The following CLMN variants were observed in gnomAD, a reference collection of about 807,000 sequenced individuals.
CLMN encodes calmin.
In CLMN, 57 loss-of-function variants were observed where a neutral mutation model predicts 92.7. That is an observed-to-expected ratio of 0.61 (90% CI 0.50 to 0.77). The LOEUF (loss-of-function observed/expected upper bound fraction) is 0.77. Ranked by LOEUF, CLMN falls within the 30% of genes least tolerant of loss-of-function variation. CLMN has a pLI of 0.00. For synonymous variants in CLMN, 466 were observed against 470.6 expected, an observed-to-expected ratio of 0.99 and a Z score of 0.13; for missense variants, 1,158 against 1,237.5, an observed-to-expected ratio of 0.94 and a Z score of 0.96.
intron 1 of CLMN, among the ~76,000 whole-genome samples, chr14:95,232,046 A>G (rs73333268): frequency 0.012 from 1,783 of 152,348 alleles, 34 homozygotes; most frequent in African/African-American, 0.041. Context: ...GAAGAAACGG[A>G]GGGGCAAATA....
intron 1 of CLMN, among the ~76,000 whole-genome samples, chr14:95,313,798 C>T (rs985313660): frequency 4.6e-5 from 7 of 152,204 alleles, no homozygotes; most frequent in African/African-American, 1.2e-4. Context: ...TATGGCTTGT[C>T]GGGCAGAGGG....
chr14:95,265,876 A>G (rs1899452704), intron 1 of CLMN, among the ~76,000 whole-genome samples: 1 of 152,266 alleles, frequency 6.6e-6, no homozygotes, highest in Non-Finnish European at 1.5e-5. Context: ...TTTTCTCTAT[A>G]GCAACAGCTC....
At chr14:95,245,225 T>TAATATATATATATAATA (rs1491192837) in intron 1 of CLMN, among the ~76,000 whole-genome samples, 8 of 24,346 alleles carry the variant, frequency 3.3e-4, no homozygotes, top group African/African-American at 2.2e-3. Flanking sequence ...TATATATATA[T>TAATATATATATATAATA]TATATATATA....
In CLMN at chr14:95,191,554, G is replaced by A; in HGVS notation, c.*10C>T. ...AGGGTCCTGTCTTTTTTATTATCCA[G>A]ACACACGTATCAGAGCCTGCTAACA... On this transcript the variant is annotated 3_prime_UTR_variant, in exon 13 of 13. Coordinates refer to ENST00000298912, the MANE Select transcript of CLMN (RefSeq NM_024734.4). This position sits in a 1 kb window ranked among gnomAD's most constrained non-coding sequence, Gnocchi z 5.3. 6.2e-7 allele frequency: 1 copy of A among 1,605,824 alleles called. No homozygotes were observed. Among genetic ancestry groups the A allele is most frequent in the Non-Finnish European group, 8.5e-7 (1 of 1,176,560 alleles).
chr14:95,231,112 T>C (rs931276296), intron 1 of CLMN, among the ~76,000 whole-genome samples: 20 of 151,926 alleles, frequency 1.3e-4, no homozygotes, highest in African/African-American at 4.8e-4. Context: ...GGAACTGGCC[T>C]GCACAGCAGG....
At chr14:95,240,192 G>T (rs956257960) in intron 1 of CLMN, among the ~76,000 whole-genome samples, 2 of 152,202 alleles carry the variant, frequency 1.3e-5, no homozygotes, top group Non-Finnish European at 2.9e-5. Context: ...GTTGTGAAGC[G>T]ATGTAGGACT....
At chr14:95,247,068 C>G (rs919976922) in intron 1 of CLMN, among the ~76,000 whole-genome samples, 2 of 152,110 alleles carry the variant, frequency 1.3e-5, no homozygotes, top group East Asian at 3.9e-4. Context: ...CAGGCCAGAA[C>G]CATGACAGCC....
In CLMN at chr14:95,204,476, A is replaced by AC. The variant is rs769077381; in HGVS notation, c.886-14dup. On this transcript the variant is annotated splice_polypyrimidine_tract_variant and intron_variant, in intron 8 of 12. Coordinates refer to ENST00000298912, the MANE Select transcript of CLMN (RefSeq NM_024734.4). ...CGAAAATATCTTCCTGCAAAAAAAA[A>AC]CAAAAACAAACAAACAAAAAAAAAC... The AC allele has an allele frequency of 1.4e-5, 22 of 1,545,210 alleles. No homozygotes were observed. In the South Asian group the frequency reaches 2.1e-4, roughly 15 times the overall value.
chr14:95,245,216 ATATATATATTATATATATATAT>A lies in CLMN; in HGVS notation c.83-15105_83-15084del, dbSNP rs1566891024. ...TATAATATATATATATATTATATAT[ATATATATATTATATATATATAT>A]TATATATATATATATAATATATATA... On this transcript the variant is annotated intron_variant, in intron 1 of 12. Coordinates refer to ENST00000298912, the MANE Select transcript of CLMN (RefSeq NM_024734.4). Among the ~76,000 whole-genome samples, 101 of 35,928 alleles carry A rather than the reference ATATATATATTATATATATATAT, an allele frequency of 2.8e-3. 5 individuals are homozygous for A. Among genetic ancestry groups the A allele is most frequent in the African/African-American group, 9.2e-3 (51 of 5,528 alleles). The allele number at this position is 35,928 out of a possible 152,430, so 23.6% of individuals were successfully genotyped here. A position where few individuals can be genotyped will look rare whatever the true frequency, so the allele number is the denominator to read the frequency against.
At position 95,194,243 on chromosome 14, in the gene CLMN, A is replaced by G. The variant is rs932639355; in HGVS notation, c.2769+293T>C. On this transcript the variant is annotated intron_variant, in intron 11 of 12. Transcript: ENST00000298912. The surrounding 1 kb of genome is among the most constrained non-coding windows in gnomAD (Gnocchi z 4.0). ...GACTCATGTTGCACCTCTGTCTCTG[A>G]ACGTGATCCTTCTGGGTGCGCGCGG... 13 of 1,393,148 alleles carry G rather than the reference A, an allele frequency of 9.3e-6. No individual in the cohort carries two copies. The highest frequency in any genetic ancestry group is 4.8e-5 in the South Asian group (3 of 61,872). The allele number at this position is 1,393,148 out of a possible 1,614,324, so 86.3% of individuals were successfully genotyped here. A position where few individuals can be genotyped will look rare whatever the true frequency, so the allele number is the denominator to read the frequency against.
Position 95,316,252 on chromosome 14 carries a change from C to T in CLMN, c.82+3459G>A, listed in dbSNP as rs1470188194. ...ACCACCTGGCAGAAGCTGCCAGCATCCTGCAATTCCATCTTCTCTTCTCCA... is the reference window on the plus strand; with the variant it reads ...ACCACCTGGCAGAAGCTGCCAGCATTCTGCAATTCCATCTTCTCTTCTCCA... On this transcript the variant is annotated intron_variant, in intron 1 of 12. Transcript: ENST00000298912. Among the ~76,000 whole-genome samples the T allele has an allele frequency of 4.6e-5, 7 of 152,358 alleles. No homozygotes were observed. The East Asian group carries it at 1.4e-3, about 29-fold the overall frequency.
chr14:95,265,104 T>C (rs987103255), intron 1 of CLMN, among the ~76,000 whole-genome samples: 1 of 151,584 alleles, frequency 6.6e-6, no homozygotes, highest in Non-Finnish European at 1.5e-5. Context: ...TAGCCAGGCA[T>C]GGTGGTGCAT....
intron 1 of CLMN, among the ~76,000 whole-genome samples, chr14:95,239,215 A>T (rs1308940478): frequency 1.3e-5 from 2 of 152,206 alleles, no homozygotes; most frequent in Non-Finnish European, 2.9e-5. Context: ...TACTGAACAC[A>T]TCACTCACAC....
chr14:95,230,310 A>G (rs1321358787), intron 1 of CLMN, among the ~76,000 whole-genome samples, 177 bp from the exon 2 acceptor site: 1 of 152,242 alleles, frequency 6.6e-6, no homozygotes, highest in East Asian at 1.9e-4. Context: ...CCCACAACCC[A>G]TGCTCCCCAG....
Position 95,184,390 on chromosome 14 carries a change from G to A in CLMN, c.*7174C>T, listed in dbSNP as rs1376114255. ...ATGAAGCTATTCTTGACATCTGAGTGTCAGGGATTTAAACAAATTAGCAGT... is the reference window on the plus strand; with the variant it reads ...ATGAAGCTATTCTTGACATCTGAGTATCAGGGATTTAAACAAATTAGCAGT... On this transcript the variant is annotated 3_prime_UTR_variant, in exon 13 of 13. Coordinates refer to ENST00000298912, the MANE Select transcript of CLMN (RefSeq NM_024734.4). The A allele has an allele frequency of 1.3e-5, 2 of 152,254 alleles. No individual in the cohort carries two copies. The highest frequency in any genetic ancestry group is 4.8e-5 in the African/African-American group (2 of 41,464). 9.4% of individuals were successfully genotyped at this position (152,254 alleles called of 1,614,324 possible). A position where few individuals can be genotyped will look rare whatever the true frequency, so the allele number is the denominator to read the frequency against.
intron 8 of CLMN, among the ~76,000 whole-genome samples, chr14:95,205,415 A>C (rs1897019744): frequency 6.6e-6 from 1 of 152,236 alleles, no homozygotes; most frequent in African/African-American, 2.4e-5. Context: ...TAGAATAACT[A>C]ATCTGTGCTA....
At chr14:95,274,810 C>T (rs1413420074) in intron 1 of CLMN, among the ~76,000 whole-genome samples, 16 of 152,262 alleles carry the variant, frequency 1.1e-4, no homozygotes, top group Non-Finnish European at 2.2e-4. Context: ...GAAACCCTGT[C>T]TCTACTAAAA....
rs1247573886 is a variant in CLMN, at chr14:95,193,706, ATAGT to A, written c.2840+139_2840+142del. The A allele has an allele frequency of 3.0e-6, 3 of 1,009,372 alleles. No homozygotes were observed. In the Admixed American group the frequency reaches 7.9e-5, roughly 27 times the overall value. The allele number at this position is 1,009,372 out of a possible 1,614,324, so 62.5% of individuals were successfully genotyped here. On this transcript the variant is annotated intron_variant, in intron 12 of 12. Coordinates refer to ENST00000298912, the MANE Select transcript of CLMN (RefSeq NM_024734.4). ...TTCAATTTACATCATTTTCTCTGGA[ATAGT>A]TATTTTCTTGCATTATCCCAAATTA...
intron 1 of CLMN, among the ~76,000 whole-genome samples, chr14:95,239,171 C>T (rs1031418397): frequency 5.3e-5 from 8 of 152,184 alleles, no homozygotes; most frequent in African/African-American, 1.7e-4. Flanking sequence ...TGCCCTGAAG[C>T]GCCCGGCTGA....
Sources: allele counts gnomAD v4.1 joint callset (sites outside exome capture counted in the v4.1 genomes callset), GRCh38; gene constraint gnomAD v4.1.1; non-coding constraint Gnocchi (gnomAD v3.1); transcripts MANE v1.5; gene names NCBI Gene and HGNC (gene_info 2026-07-23, HGNC 2026-07-21).